The following ACCSL variants were observed in gnomAD, a reference collection of about 807,000 sequenced individuals.
The protein encoded by ACCSL is probable inactive 1-aminocyclopropane-1-carboxylate synthase-like protein 2.
A neutral mutation model predicts 61.7 loss-of-function variants in ACCSL; 55 were observed. The observed-to-expected ratio is 0.89, with a 90% CI of 0.72 to 1.12. ACCSL has a LOEUF of 1.12. Among genes scored for constraint, ACCSL ranks in the 50% most tolerant of loss-of-function variants. The pLI is 0.00. For missense variants in ACCSL, 632 were observed against 698.0 expected (o/e 0.91, Z 1.07); for synonymous variants, 258 against 264.3 (o/e 0.98, Z 0.23).
At chr11:43,992,497 G>C in the ACCSL span, among the ~76,000 whole-genome samples, 1 of 152,166 alleles carries the variant, frequency 6.6e-6, no homozygotes, top group Non-Finnish European at 1.5e-5. Context: ...TATCATTACT[G>C]TGTGGCCTCA....
At chr11:43,999,723 G>C in the ACCSL span, among the ~76,000 whole-genome samples, 1 of 152,110 alleles carries the variant, frequency 6.6e-6, no homozygotes, top group Non-Finnish European at 1.5e-5. Flanking sequence ...GAATATCAGG[G>C]GGTGGGATAA....
At chr11:43,957,008 G>C in the ACCSL span, among the ~76,000 whole-genome samples, 1 of 152,158 alleles carries the variant, frequency 6.6e-6, no homozygotes, top group Admixed American at 6.5e-5. Flanking sequence ...AAGGTTTGAA[G>C]AAAAACGGGA....
At chr11:43,942,659 G>A in the ACCSL span, 1 of 235,986 alleles carries the variant, frequency 4.2e-6, no homozygotes, top group South Asian at 3.8e-5. Flanking sequence ...CAGCGGCGGC[G>A]AGCGCCTCGG....
chr11:43,967,167 CTTTTTTTTTTTTTTTTTTT>C, the ACCSL span, among the ~76,000 whole-genome samples: 1 of 62,706 alleles, frequency 1.6e-5, no homozygotes, highest in East Asian at 5.8e-4. Flanking sequence ...TCTTCTTCTT[CTTTTTTTTTTTTTTTTTTT>C]TTTTTTTTGA....
At chr11:43,933,614 A>G in the ACCSL span, among the ~76,000 whole-genome samples, 10 of 152,344 alleles carry the variant, frequency 6.6e-5, no homozygotes, top group East Asian at 1.9e-3. Context: ...AGGAACACTC[A>G]GGCCTGCAAG....
chr11:43,993,312 A>G, the ACCSL span, among the ~76,000 whole-genome samples: 541 of 152,208 alleles, frequency 3.6e-3, 3 homozygotes, highest in Non-Finnish European at 4.4e-3. Context: ...TGCTAGGTCA[A>G]GCCCTCTTCT....
the ACCSL span, chr11:44,000,985 G>C: frequency 3.3e-5 from 5 of 152,212 alleles, no homozygotes; most frequent in East Asian, 9.6e-4. Flanking sequence ...TCAAACCCAG[G>C]CAAGGTGATT....
At chr11:43,925,835 G>A in the ACCSL span, among the ~76,000 whole-genome samples, 2 of 152,184 alleles carry the variant, frequency 1.3e-5, no homozygotes, top group African/African-American at 4.8e-5. Flanking sequence ...GGACTCAGAA[G>A]CAGCCCCCTC....
At chr11:43,994,930 G>C in the ACCSL span, 2 of 152,126 alleles carry the variant, frequency 1.3e-5, no homozygotes, top group African/African-American at 2.4e-5. Flanking sequence ...CACCGCGCCC[G>C]GCCTAAATAT....
chr11:43,997,773 A>G, the ACCSL span, among the ~76,000 whole-genome samples: 1 of 152,224 alleles, frequency 6.6e-6, no homozygotes, highest in Non-Finnish European at 1.5e-5. Context: ...ACCCCACATT[A>G]GAGGCTAGAA....
chr11:44,028,600 C>T, the ACCSL span, among the ~76,000 whole-genome samples: 2 of 152,178 alleles, frequency 1.3e-5, no homozygotes, highest in South Asian at 4.1e-4. Context: ...CCTGCGTCAC[C>T]TTCATTGAGC....
chr11:44,040,903 C>T, the ACCSL span, among the ~76,000 whole-genome samples: 6 of 152,290 alleles, frequency 3.9e-5, no homozygotes, highest in African/African-American at 1.4e-4. Context: ...GCAATGGGGC[C>T]TGAGGTTGAC....
chr11:44,038,586 A>G, the ACCSL span, among the ~76,000 whole-genome samples: 21 of 152,170 alleles, frequency 1.4e-4, no homozygotes, highest in South Asian at 3.9e-3. Flanking sequence ...AGGAGGCTCA[A>G]TGATTTGGGT....
the ACCSL span, among the ~76,000 whole-genome samples, chr11:43,979,863 A>G: frequency 8.2e-6 from 1 of 121,378 alleles, no homozygotes; most frequent in Non-Finnish European, 1.8e-5. Flanking sequence ...AAAAAAAAAA[A>G]AAGAAAAGAA....
At chr11:43,924,773 G>A in the ACCSL span, among the ~76,000 whole-genome samples, 1 of 152,212 alleles carries the variant, frequency 6.6e-6, no homozygotes, top group Non-Finnish European at 1.5e-5. Flanking sequence ...TTGGAGGATG[G>A]CCACGGGGCC....
At chr11:44,022,980 G>A in the ACCSL span, among the ~76,000 whole-genome samples, 1 of 148,020 alleles carries the variant, frequency 6.8e-6, no homozygotes, top group African/African-American at 2.5e-5. Flanking sequence ...AAGTTTTCTG[G>A]TTACTAATTC....
chr11:44,006,787 T>C, the ACCSL span, among the ~76,000 whole-genome samples: 1 of 152,130 alleles, frequency 6.6e-6, no homozygotes, highest in Non-Finnish European at 1.5e-5. Flanking sequence ...ATACAGGCAT[T>C]AGCTACCACA....
the ACCSL span, among the ~76,000 whole-genome samples, chr11:44,006,392 A>G: frequency 6.6e-6 from 1 of 152,032 alleles, no homozygotes; most frequent in Non-Finnish European, 1.5e-5. Context: ...GCTGAGAGCC[A>G]GTGTGCATGG....
At chr11:43,958,484 G>A in the ACCSL span, among the ~76,000 whole-genome samples, 9,948 of 152,140 alleles carry the variant, frequency 0.065, 346 homozygotes, top group South Asian at 0.1. Flanking sequence ...AAGTTTTCAG[G>A]GAGACTGATT....
Sources: gnomAD v4.1 joint callset for allele counts (sites outside exome capture counted in the v4.1 genomes callset) on GRCh38, gnomAD v4.1.1 for gene constraint, MANE v1.5 for transcripts, NCBI Gene and HGNC (gene_info 2026-07-23, HGNC 2026-07-21) for gene names.